ARHGEF10: variants seen among roughly 807,000 people sequenced by gnomAD.
ARHGEF10 encodes the protein Rho guanine nucleotide exchange factor 10.
Under a neutral mutation model 147.4 loss-of-function variants are expected in ARHGEF10, and 140 were observed. The ratio of observed to expected loss-of-function variants is 0.95; its 90% CI spans 0.83 to 1.09. ARHGEF10 has a LOEUF of 1.09. Among genes scored for constraint, ARHGEF10 ranks in the 50% least tolerant of loss-of-function variants. The pLI, the probability that ARHGEF10 is intolerant of heterozygous loss-of-function variation, is 0.00. For synonymous variants in ARHGEF10, 902 were observed against 695.8 expected (o/e 1.30, Z -4.67); for missense variants, 2,222 against 1,752.7 (o/e 1.27, Z -4.78).
intron 18 of ARHGEF10, among the ~76,000 whole-genome samples, chr8:1,917,640 C>T (rs1260080336): frequency 6.6e-6 from 1 of 152,222 alleles, no homozygotes; most frequent in Non-Finnish European, 1.5e-5. Context: ...TGCGGAAGTG[C>T]AGCAATTGTG....
Position 1,925,263 on chromosome 8 carries a change from C to A in ARHGEF10, c.2489-20C>A, listed in dbSNP as rs766605407. 6 of 1,613,994 alleles carry A rather than the reference C, an allele frequency of 3.7e-6. No homozygotes were observed. Among genetic ancestry groups the A allele is most frequent in the Non-Finnish European group, 5.1e-6 (6 of 1,180,006 alleles). On this transcript the variant is annotated intron_variant, in intron 21 of 28. Coordinates refer to ENST00000349830, the MANE Select transcript of ARHGEF10 (RefSeq NM_014629.4). ...GAGTTAACTGCATTCTTGCTCATTT[C>A]TCTCTGAATATAATTGCAGAAGAGG...
In ARHGEF10 at chr8:1,937,287, G is replaced by A. The variant is rs1482280060; in HGVS notation, c.3222+3345G>A. Among the ~76,000 whole-genome samples the A allele has an allele frequency of 6.6e-6, 1 of 152,190 alleles. No individual in the cohort carries two copies. Among genetic ancestry groups the A allele is most frequent in the Non-Finnish European group, 1.5e-5 (1 of 68,034 alleles). On this transcript the variant is annotated intron_variant, in intron 26 of 28. Transcript: ENST00000349830. This position sits in a 1 kb window ranked among gnomAD's most constrained non-coding sequence, Gnocchi z 4.9. ...GTGCGGCCATGCAGGGTAGCCCCGT[G>A]GATGCGGTCACAGCTTCTTGAGTTT...
intron 18 of ARHGEF10, among the ~76,000 whole-genome samples, chr8:1,922,070 G>T (rs1231643577): frequency 6.6e-6 from 1 of 152,086 alleles, no homozygotes; most frequent in Non-Finnish European, 1.5e-5. Context: ...TCAGTCAGAT[G>T]GGGAGATGGG....
intron 10 of ARHGEF10, among the ~76,000 whole-genome samples, chr8:1,883,446 C>G (rs1314696420): frequency 3.3e-5 from 5 of 152,110 alleles, no homozygotes; most frequent in Non-Finnish European, 5.9e-5. Flanking sequence ...TCTAATGTGC[C>G]TGTCTGGTGC....
chr8:1,864,309 ACAT>A (rs3215425), intron 4 of ARHGEF10, 61 bp from the exon 5 acceptor site: 41,897 of 1,525,134 alleles, frequency 0.027, 1,020 homozygotes, highest in African/African-American at 0.12. Flanking sequence ...AAGGGTAAAA[ACAT>A]CAACTTCATG....
intron 2 of ARHGEF10, among the ~76,000 whole-genome samples, chr8:1,844,187 C>T (rs1355559440): frequency 1.3e-5 from 2 of 152,116 alleles, no homozygotes; most frequent in Admixed American, 1.3e-4. Flanking sequence ...GGGCTCCAGG[C>T]CCCTTGGCAC....
At chr8:1,871,469 C>T (rs996207979) in intron 7 of ARHGEF10, among the ~76,000 whole-genome samples, 2 of 152,162 alleles carry the variant, frequency 1.3e-5, no homozygotes, top group East Asian at 1.9e-4. Context: ...AAAAACATTA[C>T]ATAAACTATA....
chr8:1,888,421 A>ACACTGAGTGTGGAGGGCTGTGAGGAGG (rs1472169288), intron 11 of ARHGEF10, among the ~76,000 whole-genome samples: 9 of 142,318 alleles, frequency 6.3e-5, no homozygotes, highest in South Asian at 2.3e-4. Context: ...TTGTGAGGAG[A>ACACTGAGTGTGGAGGGCTGTGAGGAGG]CACTGAGTGT....
chr8:1,957,554 G>C lies in ARHGEF10; in HGVS notation c.*291G>C, dbSNP rs924123393. ...TACCACATTCTTTTTGACTGCTGTA[G>C]TCCATATGTGAATACTAAATGTTAA... On this transcript the variant is annotated 3_prime_UTR_variant, in exon 29 of 29. Transcript: ENST00000349830. 1.7e-4 allele frequency: 92 copies of C among 531,710 alleles called. No individual in the cohort carries two copies. The highest frequency in any genetic ancestry group is 4.4e-4 in the South Asian group (20 of 45,384). 32.9% of individuals were successfully genotyped at this position (531,710 alleles called of 1,614,324 possible). A position where few individuals can be genotyped will look rare whatever the true frequency, so the allele number is the denominator to read the frequency against.
At chr8:1,827,931 A>AT (rs1314598130) in intron 1 of ARHGEF10, among the ~76,000 whole-genome samples, 1 of 152,226 alleles carries the variant, frequency 6.6e-6, no homozygotes, top group Non-Finnish European at 1.5e-5. Flanking sequence ...TAACAGGCAC[A>AT]TGTAGAGATG....
rs2129174901 is a variant in ARHGEF10 at position 1,903,628 on chromosome 8, T to C, written c.1821+177T>C. The C allele has an allele frequency of 5.5e-6, 4 of 727,694 alleles. No homozygotes were observed. In the South Asian group the frequency reaches 7.1e-5, roughly 13 times the overall value. The allele number at this position is 727,694 out of a possible 1,614,324, so 45.1% of individuals were successfully genotyped here. A position where few individuals can be genotyped will look rare whatever the true frequency, so the allele number is the denominator to read the frequency against. Reference sequence around the variant, plus strand: ...GAGTCACACCAATGTGGAAATTGTATGTAAAACCTTAACAGCCTGTCTTAA... The same window carrying C: ...GAGTCACACCAATGTGGAAATTGTACGTAAAACCTTAACAGCCTGTCTTAA... On this transcript the variant is annotated intron_variant, in intron 16 of 28. Coordinates refer to ENST00000349830, the MANE Select transcript of ARHGEF10 (RefSeq NM_014629.4).
intron 1 of ARHGEF10, among the ~76,000 whole-genome samples, chr8:1,833,102 A>AGAGATAGAGG (rs1803333938): frequency 3.7e-5 from 1 of 27,052 alleles, no homozygotes; most frequent in Non-Finnish European, 8.1e-5. Flanking sequence ...AGGCAGAGAG[A>AGAGATAGAGG]CAGAGACAGA....
Position 1,919,195 on chromosome 8 carries a change from T to C in ARHGEF10, c.2144-3769T>C, listed in dbSNP as rs530286517. Reference sequence around the variant, plus strand: ...AGCTGTTCTCTGGGTGATGGAGCTGTTCCGTGGGTGATGGAGCTGCTCCGT... The same window carrying C: ...AGCTGTTCTCTGGGTGATGGAGCTGCTCCGTGGGTGATGGAGCTGCTCCGT... On this transcript the variant is annotated intron_variant, in intron 18 of 28. Coordinates refer to ENST00000349830, the MANE Select transcript of ARHGEF10 (RefSeq NM_014629.4). 6.3e-4 allele frequency among the ~76,000 whole-genome samples: 93 copies of C among 147,948 alleles called. 2 individuals are homozygous for C. The highest frequency in any genetic ancestry group is 2.1e-3 in the African/African-American group (83 of 38,812).
chr8:1,929,387 A>C lies in ARHGEF10; in HGVS notation c.3023A>C (p.Gln1008Pro). 4 of 1,613,492 alleles carry C rather than the reference A, an allele frequency of 2.5e-6. No homozygotes were observed. The highest frequency in any genetic ancestry group is 3.4e-6 in the Non-Finnish European group (4 of 1,180,020). ...GTCATGAGCCTGGCTTGCACGTCTC[A>C]GAGCCTGTACGCTGGCCTGGTCAAC... ...STVMSLACTS[Q>P]SLYAGLVNGA... Residue 1008 changes from glutamine to proline, a missense_variant, in exon 25 of 29, where the codon CAG (glutamine) becomes CCG (proline). By Grantham distance (76) the Gln-to-Pro change is moderately conservative (BLOSUM62 -1). Coordinates refer to ENST00000349830, the MANE Select transcript of ARHGEF10 (RefSeq NM_014629.4).
intron 15 of ARHGEF10, 43 bp from the exon 16 acceptor site, chr8:1,903,238 G>A (rs1340082057): frequency 5.0e-6 from 8 of 1,611,370 alleles, no homozygotes; most frequent in Non-Finnish European, 6.8e-6. Flanking sequence ...TGCACTGGGA[G>A]TGTCCACGTG....
At chr8:1,954,228 G>A (rs1169841759) in intron 28 of ARHGEF10, among the ~76,000 whole-genome samples, 1 of 152,022 alleles carries the variant, frequency 6.6e-6, no homozygotes, top group African/African-American at 2.4e-5. Flanking sequence ...CTAGTAGCTG[G>A]GATTACAGGC....
intron 18 of ARHGEF10, among the ~76,000 whole-genome samples, chr8:1,915,675 CAG>C (rs1413928778): frequency 2.0e-5 from 3 of 152,270 alleles, no homozygotes; most frequent in African/African-American, 7.2e-5. Context: ...CCCGTTACCT[CAG>C]GGACAAACAC....
intron 21 of ARHGEF10, among the ~76,000 whole-genome samples, chr8:1,924,931 C>G (rs1812571569): frequency 6.6e-6 from 1 of 152,186 alleles, no homozygotes; most frequent in African/African-American, 2.4e-5. Context: ...GTATTTGAAT[C>G]TAAACATTTC....
At chr8:1,883,236 G>T (rs1808370725) in intron 10 of ARHGEF10, among the ~76,000 whole-genome samples, 1 of 152,140 alleles carries the variant, frequency 6.6e-6, no homozygotes, top group Non-Finnish European at 1.5e-5. Context: ...GTTATGTGTG[G>T]AAAAGGCAGG....
Sources: allele counts gnomAD v4.1 joint callset (sites outside exome capture counted in the v4.1 genomes callset), GRCh38; gene constraint gnomAD v4.1.1; non-coding constraint Gnocchi (gnomAD v3.1); transcripts MANE v1.5; gene names NCBI Gene and HGNC (gene_info 2026-07-23, HGNC 2026-07-21).